GRM5: variants seen among roughly 807,000 people sequenced by gnomAD.
GRM5 encodes glutamate metabotropic receptor 5, also known as metabotropic glutamate receptor 5.
GRM5 carries 19 observed loss-of-function variants against 83.1 expected under a neutral mutation model. That is an observed-to-expected ratio of 0.23 (90% CI 0.16 to 0.34). The LOEUF (loss-of-function observed/expected upper bound fraction) is 0.34. Ranked by LOEUF, GRM5 falls within the 10% of genes least tolerant of loss-of-function variation. GRM5 has a pLI of 1.00. For missense variants in GRM5, 1,160 were observed against 1,588.3 expected, an observed-to-expected ratio of 0.73 and a Z score of 4.58; for synonymous variants, 675 against 633.6, an observed-to-expected ratio of 1.07 and a Z score of -0.98.
chr11:88,898,600 G>A (rs1358533728), intron 2 of GRM5, among the ~76,000 whole-genome samples: 2 of 151,476 alleles, frequency 1.3e-5, no homozygotes, highest in South Asian at 2.1e-4. Context: ...ATATATATAC[G>A]GTCACCCTGT....
At chr11:88,714,420 G>A (rs1053787972) in intron 3 of GRM5, among the ~76,000 whole-genome samples, 5 of 151,966 alleles carry the variant, frequency 3.3e-5, no homozygotes, top group Non-Finnish European at 5.9e-5. Flanking sequence ...CCATCTTTGG[G>A]AAAGCATTGT....
chr11:88,650,657 A>G (rs1249197600), intron 4 of GRM5, among the ~76,000 whole-genome samples: 3 of 152,020 alleles, frequency 2.0e-5, no homozygotes, highest in Admixed American at 6.6e-5. Flanking sequence ...TGAATATTTG[A>G]GTACCTTTTA....
intron 2 of GRM5, among the ~76,000 whole-genome samples, chr11:88,931,267 T>C (rs1481245518): frequency 1.3e-5 from 2 of 151,892 alleles, no homozygotes; most frequent in African/African-American, 4.8e-5. Context: ...AAATATTTTA[T>C]GTACTTTGCC....
At chr11:89,000,780 C>G (rs974840215) in intron 2 of GRM5, among the ~76,000 whole-genome samples, 43 of 151,984 alleles carry the variant, frequency 2.8e-4, no homozygotes, top group African/African-American at 1.0e-3. Context: ...AAGCTACAGA[C>G]TGGGAGAAGA....
intron 3 of GRM5, among the ~76,000 whole-genome samples, chr11:88,653,660 A>G (rs556822027): frequency 6.6e-6 from 1 of 152,152 alleles, no homozygotes; most frequent in African/African-American, 2.4e-5. Flanking sequence ...TAACCTGGAG[A>G]TTCTGGCACA....
chr11:88,840,478 C>CT (rs1044919115), intron 3 of GRM5, among the ~76,000 whole-genome samples: 54 of 151,516 alleles, frequency 3.6e-4, no homozygotes, highest in Admixed American at 2.6e-3. Flanking sequence ...TTACCCCCAC[C>CT]TTTTTTTTTC....
At chr11:88,866,406 G>T (rs946343737) in intron 2 of GRM5, among the ~76,000 whole-genome samples, 7 of 152,050 alleles carry the variant, frequency 4.6e-5, no homozygotes, top group African/African-American at 1.7e-4. Flanking sequence ...CCTGTCAGGG[G>T]ATTGGGGTCT....
At chr11:89,058,006 G>C (rs540769418) in intron 1 of GRM5, among the ~76,000 whole-genome samples, 30 of 151,922 alleles carry the variant, frequency 2.0e-4, no homozygotes, top group Non-Finnish European at 4.1e-4. Context: ...ACAATAAATG[G>C]CAGAACCAGG....
intron 2 of GRM5, among the ~76,000 whole-genome samples, chr11:88,876,904 G>A (rs1434064479): frequency 6.6e-6 from 1 of 152,068 alleles, no homozygotes; most frequent in African/African-American, 2.4e-5. Flanking sequence ...ATGAAATGGT[G>A]TTATTTGTGA....
At chr11:88,591,913 A>G (rs1160289493) in intron 6 of GRM5, among the ~76,000 whole-genome samples, 5 of 152,234 alleles carry the variant, frequency 3.3e-5, no homozygotes, top group African/African-American at 1.2e-4. Flanking sequence ...TTATCCCATT[A>G]AAACATTAGA....
At chr11:88,585,289 T>C (rs1943290146) in intron 7 of GRM5, among the ~76,000 whole-genome samples, 1 of 152,210 alleles carries the variant, frequency 6.6e-6, no homozygotes, top group Admixed American at 6.5e-5. Context: ...TGCTTTTCTT[T>C]TGTTAATCTA....
At chr11:88,535,669 A>G (rs1174342449) in intron 8 of GRM5, among the ~76,000 whole-genome samples, 3 of 152,150 alleles carry the variant, frequency 2.0e-5, no homozygotes, top group Non-Finnish European at 4.4e-5. Context: ...TGGTTTCATT[A>G]GTTTTTCTTC....
intron 3 of GRM5, among the ~76,000 whole-genome samples, chr11:88,807,239 A>C (rs996081834): frequency 6.6e-6 from 1 of 152,148 alleles, no homozygotes; most frequent in African/African-American, 2.4e-5. Flanking sequence ...AAAATGTTTA[A>C]AAGCTGTCTT....
At chr11:88,730,224 A>G (rs1262758632) in intron 3 of GRM5, among the ~76,000 whole-genome samples, 1 of 152,228 alleles carries the variant, frequency 6.6e-6, no homozygotes, top group East Asian at 1.9e-4. Context: ...AAGGATATGA[A>G]CAGACACTTC....
At chr11:88,861,585 C>A (rs1300218785) in intron 2 of GRM5, among the ~76,000 whole-genome samples, 2 of 152,114 alleles carry the variant, frequency 1.3e-5, no homozygotes, top group Non-Finnish European at 2.9e-5. Context: ...CCCACCTCAG[C>A]CTCCCGGTTA....
intron 2 of GRM5, among the ~76,000 whole-genome samples, chr11:88,978,473 T>TAAAAAAAAAAAAAAA (rs1565317795): frequency 1.8e-5 from 1 of 56,818 alleles, no homozygotes; most frequent in African/African-American, 6.6e-5. Flanking sequence ...GCAGATGAGC[T>TAAAAAAAAAAAAAAA]TAAAAAAAAA....
At chr11:88,837,210 G>T (rs2135526273) in intron 3 of GRM5, among the ~76,000 whole-genome samples, 1 of 152,080 alleles carries the variant, frequency 6.6e-6, no homozygotes, top group African/African-American at 2.4e-5. Flanking sequence ...ATCTTATACT[G>T]TAAGGACAAA....
chr11:88,814,447 T>A (rs1943636388), intron 3 of GRM5, among the ~76,000 whole-genome samples: 1 of 152,154 alleles, frequency 6.6e-6, no homozygotes, highest in Non-Finnish European at 1.5e-5. Context: ...AATCGAACAG[T>A]ACTCAGGATA....
At chr11:89,036,665 CT>C (rs1941392911) in intron 2 of GRM5, among the ~76,000 whole-genome samples, 2 of 35,732 alleles carry the variant, frequency 5.6e-5, no homozygotes, top group Non-Finnish European at 1.1e-4. Context: ...AGTATTTGTA[CT>C]CAAATTTGCC....
Sources: gnomAD v4.1 joint callset for allele counts (sites outside exome capture counted in the v4.1 genomes callset) on GRCh38, gnomAD v4.1.1 for gene constraint, MANE v1.5 for transcripts, NCBI Gene and HGNC (gene_info 2026-07-23, HGNC 2026-07-21) for gene names.